Variants in CCDC7 observed in about 807,000 individuals in gnomAD.
The protein encoded by CCDC7 is coiled-coil domain-containing protein 7.
In CCDC7, 183 loss-of-function variants were observed where a neutral mutation model predicts 196.9. That is an observed-to-expected ratio of 0.93 (90% CI 0.82 to 1.05). The LOEUF (loss-of-function observed/expected upper bound fraction) is 1.05. Ranked by LOEUF, CCDC7 falls within the 50% of genes least tolerant of loss-of-function variation. The pLI is 0.00. For synonymous variants in CCDC7, 525 were observed against 484.6 expected (o/e 1.08, Z -1.10); for missense variants, 1,540 against 1,482.2 (o/e 1.04, Z -0.64).
intron 41 of CCDC7, among the ~76,000 whole-genome samples, chr10:32,871,946 T>C (rs2094446421): frequency 6.6e-6 from 1 of 152,206 alleles, no homozygotes; most frequent in African/African-American, 2.4e-5. Flanking sequence ...TCTAGTTTGA[T>C]TGCACTGTGG....
intron 5 of CCDC7, 137 bp downstream of exon 6, chr10:32,463,186 T>C: frequency 9.0e-7 from 1 of 1,108,614 alleles, no homozygotes; most frequent in Middle Eastern, 3.1e-4. Flanking sequence ...TTGGTTTGGG[T>C]AGACAAGGAA....
intron 31 of CCDC7, among the ~76,000 whole-genome samples, chr10:32,818,678 A>G (rs952670792): frequency 6.6e-6 from 1 of 152,150 alleles, no homozygotes; most frequent in Non-Finnish European, 1.5e-5. Context: ...CTCAGGATTA[A>G]GTAACTCAGG....
At chr10:32,726,035 G>T (rs2083073671) in intron 25 of CCDC7, among the ~76,000 whole-genome samples, 1 of 151,822 alleles carries the variant, frequency 6.6e-6, no homozygotes, top group Non-Finnish European at 1.5e-5. Flanking sequence ...CTGCCCTGTT[G>T]TCTTGTAGAT....
At chr10:32,595,017 TG>T (rs1322708892) in intron 18 of CCDC7, among the ~76,000 whole-genome samples, 6 of 152,210 alleles carry the variant, frequency 3.9e-5, no homozygotes, top group South Asian at 2.1e-4. Flanking sequence ...TCTCTTTTTT[TG>T]TTGTATCCCT....
At chr10:32,638,991 C>T (rs1310094012) in intron 20 of CCDC7, among the ~76,000 whole-genome samples, 1 of 152,186 alleles carries the variant, frequency 6.6e-6, no homozygotes, top group East Asian at 1.9e-4. Flanking sequence ...TTATCCATTT[C>T]TTCTAGATTT....
At chr10:32,855,975 T>C (rs1244705121) in intron 41 of CCDC7, among the ~76,000 whole-genome samples, 1 of 152,126 alleles carries the variant, frequency 6.6e-6, no homozygotes, top group African/African-American at 2.4e-5. Context: ...CTAATCGGTA[T>C]GGAAAAAATA....
At chr10:32,799,799 A>AG (rs2084396544) in intron 29 of CCDC7, among the ~76,000 whole-genome samples, 1 of 152,204 alleles carries the variant, frequency 6.6e-6, no homozygotes, top group African/African-American at 2.4e-5. Flanking sequence ...TAATGTCATC[A>AG]ATATAATGGA....
At chr10:32,760,292 A>G (rs1054751211) in intron 28 of CCDC7, among the ~76,000 whole-genome samples, 2 of 152,188 alleles carry the variant, frequency 1.3e-5, no homozygotes, top group South Asian at 4.1e-4. Context: ...AGACACATGC[A>G]CATGTATGTT....
At chr10:32,595,080 G>A (rs1031935158) in intron 18 of CCDC7, among the ~76,000 whole-genome samples, 1 of 152,190 alleles carries the variant, frequency 6.6e-6, no homozygotes, top group African/African-American at 2.4e-5. Context: ...AATTAGGGAG[G>A]ATTCCCTCTT....
intron 31 of CCDC7, among the ~76,000 whole-genome samples, chr10:32,819,257 C>T (rs7920320): frequency 0.77 from 117,317 of 152,082 alleles, 47,769 homozygotes; most frequent in Non-Finnish European, 0.92. Context: ...CTCCCAAGAC[C>T]AAACCAGGAA....
chr10:32,756,825 G>A (rs892141290), intron 28 of CCDC7, among the ~76,000 whole-genome samples: 6 of 152,164 alleles, frequency 3.9e-5, no homozygotes, highest in South Asian at 4.1e-4. Context: ...ATAGAGTCAA[G>A]ATCCATCAGT....
At chr10:32,686,437 A>C (rs1004451987) in intron 22 of CCDC7, among the ~76,000 whole-genome samples, 1 of 152,224 alleles carries the variant, frequency 6.6e-6, no homozygotes, top group Non-Finnish European at 1.5e-5. Flanking sequence ...ATTTGGCATC[A>C]ATCAGTGAAC....
intron 28 of CCDC7, among the ~76,000 whole-genome samples, chr10:32,759,092 G>T (rs2076977019): frequency 2.0e-5 from 3 of 152,184 alleles, no homozygotes; most frequent in African/African-American, 7.2e-5. Context: ...TGAAATAAAA[G>T]AGGACTCAAA....
Position 32,718,036 on chromosome 10 carries a change from A to T in CCDC7, c.2569+6306A>T, listed in dbSNP as rs187504621. Reference sequence around the variant, plus strand: ...GAATCTTCCCTACTCATTTTATGAGACCAGCAGCATCCTGATACCAAAATC... The same window carrying T: ...GAATCTTCCCTACTCATTTTATGAGTCCAGCAGCATCCTGATACCAAAATC... On this transcript the variant is annotated intron_variant, in intron 25 of 41. Transcript: ENST00000639629. 8.7e-4 allele frequency among the ~76,000 whole-genome samples: 132 copies of T among 152,274 alleles called. 1 individual carries two copies. Among genetic ancestry groups the T allele is most frequent in the African/African-American group, 2.9e-3 (120 of 41,566 alleles).
intron 11 of CCDC7, among the ~76,000 whole-genome samples, chr10:32,534,824 G>T (rs141685355): frequency 2.0e-5 from 3 of 152,108 alleles, no homozygotes; most frequent in Non-Finnish European, 4.4e-5. Context: ...CCAGGGCTGG[G>T]GATGGTAGTT....
intron 41 of CCDC7, among the ~76,000 whole-genome samples, chr10:32,862,081 A>T (rs903849470): frequency 9.9e-5 from 15 of 152,198 alleles, no homozygotes; most frequent in African/African-American, 3.6e-4. Flanking sequence ...TACCCCAAGG[A>T]TTATAAATCA....
chr10:32,743,957 G>A (rs1214671146), intron 28 of CCDC7, among the ~76,000 whole-genome samples: 3 of 131,280 alleles, frequency 2.3e-5, no homozygotes, highest in Non-Finnish European at 3.1e-5. Context: ...TTGGACACAG[G>A]AAGGGGAACA....
chr10:32,490,365 T>C (rs1002774980), intron 8 of CCDC7, among the ~76,000 whole-genome samples: 1 of 152,218 alleles, frequency 6.6e-6, no homozygotes, highest in Non-Finnish European at 1.5e-5. Flanking sequence ...TGTTTTGTAA[T>C]GGCTTTTTCT....
intron 11 of CCDC7, among the ~76,000 whole-genome samples, chr10:32,528,500 G>A (rs1040979730): frequency 9.9e-5 from 15 of 151,016 alleles, no homozygotes; most frequent in South Asian, 2.1e-4. Context: ...GAGAGCATAC[G>A]GTGTTTGGTT....
Sources: allele counts gnomAD v4.1 joint callset (sites outside exome capture counted in the v4.1 genomes callset), GRCh38; gene constraint gnomAD v4.1.1; transcripts MANE v1.5; gene names NCBI Gene and HGNC (gene_info 2026-07-23, HGNC 2026-07-21).